Variants in SLC35E4 observed in about 807,000 individuals in gnomAD.
SLC35E4 encodes the protein solute carrier family 35 member E4, also known as solute carrier family 35, member E4.
A neutral mutation model predicts 19.3 loss-of-function variants in SLC35E4; 15 were observed. The observed-to-expected ratio is 0.78, with a 90% confidence interval of 0.52 to 1.20. The LOEUF is 1.20. Among genes scored for constraint, SLC35E4 ranks in the 50% most tolerant of loss-of-function variants. The pLI is 0.00. For synonymous variants in SLC35E4, 219 were observed against 219.9 expected (o/e 1.00, Z 0.04); for missense variants, 406 against 472.3 (o/e 0.86, Z 1.30).
At chr22:30,660,223 T>A (rs372433958) in intron 2 of SLC35E4, among the ~76,000 whole-genome samples, 28 of 152,338 alleles carry the variant, frequency 1.8e-4, no homozygotes, top group African/African-American at 4.6e-4. Context: ...ATATGGATGT[T>A]GTTTTAAGCC....
rs547367556 is a variant in SLC35E4, at chr22:30,636,763, G to A, written c.313G>A (p.Gly105Ser). 164 of 1,612,118 alleles carry A rather than the reference G, an allele frequency of 1.0e-4. No homozygotes were observed. Among genetic ancestry groups the A allele is most frequent in the South Asian group, 2.0e-4 (18 of 90,942 alleles). Residue 105 changes from glycine (G) to serine (S), a missense_variant, in exon 1 of 2, where the codon GGC becomes AGC. Transcript: ENST00000343605. ...HRGARRPMPG[G>S]TRCRVLLLSL... ...GGGGGCACGGCGCCCCATGCCAGGC[G>A]GCACTCGCTGCCGAGTCCTACTGCT...
chr22:30,636,542 C>T lies in SLC35E4; in HGVS notation c.92C>T (p.Pro31Leu), dbSNP rs932956653. ...AAGGAQAAGP[P>L]EWPPGSPQAL... ...GGTGGTGCTCAGGCGGCTGGGCCCC[C>T]CGAGTGGCCCCCTGGCAGCCCTCAG... The change falls in exon 1 of 2, where the codon CCC becomes CTC. Residue 31 changes from proline (P) to leucine (L), a missense_variant. By Grantham distance (98) the Pro-to-Leu change is moderately conservative. Coordinates refer to ENST00000343605, the MANE Select transcript of SLC35E4 (RefSeq NM_001001479.4). The T allele has an allele frequency of 1.9e-6, 3 of 1,558,986 alleles. No homozygotes were observed. Among genetic ancestry groups the T allele is most frequent in the Admixed American group, 3.8e-5 (2 of 52,372 alleles).
chr22:30,649,632 G>A (rs1034420096), downstream of SLC35E4, among the ~76,000 whole-genome samples: 5 of 149,426 alleles, frequency 3.3e-5, no homozygotes, highest in East Asian at 3.9e-4. Context: ...CAGAGATGCC[G>A]CTGGCCCAGC....
At chr22:30,650,574 G>A (rs1281175716), downstream of SLC35E4, among the ~76,000 whole-genome samples, 2 of 152,128 alleles carry the variant, frequency 1.3e-5, no homozygotes, top group Non-Finnish European at 2.9e-5. Flanking sequence ...GTACATCTGA[G>A]CTCTGTGACC....
chr22:30,636,356 G>A lies in SLC35E4; in HGVS notation c.-95G>A. On this transcript the variant is annotated 5_prime_UTR_variant, in exon 1 of 2. Coordinates refer to ENST00000343605, the MANE Select transcript of SLC35E4 (RefSeq NM_001001479.4). ...TCTGAAACGGGACACGGGGTCGGAGGAACCAGGATCTAGCCTGGCCCCAAG... is the reference window on the plus strand; with the variant it reads ...TCTGAAACGGGACACGGGGTCGGAGAAACCAGGATCTAGCCTGGCCCCAAG... 7.0e-7 allele frequency: 1 copy of A among 1,419,330 alleles called. No homozygotes were observed. The allele number at this position is 1,419,330 out of a possible 1,614,324, so 87.9% of individuals were successfully genotyped here.
downstream of SLC35E4, chr22:30,649,106 C>T (rs1335927545): frequency 5.6e-6 from 4 of 708,280 alleles, no homozygotes; most frequent in East Asian, 1.1e-4. Flanking sequence ...GGAGTGAGAA[C>T]ACCTGGAACC....
chr22:30,657,279 AC>A (rs1569065139), intron 2 of SLC35E4, among the ~76,000 whole-genome samples: 5 of 2,238 alleles, frequency 2.2e-3, no homozygotes, highest in Admixed American at 0.017. Flanking sequence ...TACTAAAAAC[AC>A]ACACACACAC....
At chr22:30,643,009 G>A (rs559782085) in intron 1 of SLC35E4, among the ~76,000 whole-genome samples, 4 of 148,480 alleles carry the variant, frequency 2.7e-5, no homozygotes, top group South Asian at 2.1e-4. Flanking sequence ...CAGCCTGGGC[G>A]ACAGAGTGAG....
chr22:30,640,438 AATG>A (rs2088019711), intron 1 of SLC35E4, among the ~76,000 whole-genome samples: 1 of 152,002 alleles, frequency 6.6e-6, no homozygotes, highest in Non-Finnish European at 1.5e-5. Context: ...CGGGGTCCCT[AATG>A]ATGTGAAGCA....
intron 2 of SLC35E4, chr22:30,661,312 TACTC>T (rs1340110228): frequency 2.6e-5 from 4 of 152,132 alleles, no homozygotes; most frequent in Non-Finnish European, 4.4e-5. Context: ...TCAAAGGAAA[TACTC>T]ATTTAAGCAT....
chr22:30,651,588 C>T (rs976112686), downstream of SLC35E4, among the ~76,000 whole-genome samples: 2 of 150,982 alleles, frequency 1.3e-5, no homozygotes, highest in African/African-American at 4.9e-5. Context: ...CCAAAATAAA[C>T]ATTTCTTGAT....
rs2145582586 is a variant in SLC35E4 at position 30,646,620 on chromosome 22, G to C, written c.642G>C (p.Arg214Ser). ...CAGGTGCCCTGCTGCAGGAGGAGAG[G>C]CTGGACGCGGTGACCCTGCTTTACG... ...VQQSALLQEE[R>S]LDAVTLLYAT... The change falls in exon 2 of 2, where the codon AGG becomes AGC. Residue 214 changes from arginine (R) to serine (S), a missense_variant. By Grantham distance (110) the Arg-to-Ser change is moderately radical. Transcript: ENST00000343605. 6.2e-7 allele frequency: 1 copy of C among 1,604,644 alleles called. No individual in the cohort carries two copies. The highest frequency in any genetic ancestry group is 1.1e-5 in the South Asian group (1 of 90,054).
rs192813571 is a variant in SLC35E4 at position 30,647,077 on chromosome 22, T to C, written c.*46T>C. 1.9e-4 allele frequency: 298 copies of C among 1,537,532 alleles called. 1 individual carries two copies. In the African/African-American group the frequency reaches 3.0e-3, roughly 15 times the overall value. ...CCACCTGGGATGGCCCTGGCCTGAA[T>C]CCAGCCTCCGCTGTGGCCATAGAAG... On this transcript the variant is annotated 3_prime_UTR_variant, in exon 2 of 2. Coordinates refer to ENST00000343605, the MANE Select transcript of SLC35E4 (RefSeq NM_001001479.4).
At chr22:30,664,103 T>C, downstream of SLC35E4, 1 of 1,111,492 alleles carries the variant, frequency 9.0e-7, no homozygotes, top group Non-Finnish European at 1.3e-6. Context: ...AGAGGATGTT[T>C]AGAGGGCAGG....
At chr22:30,654,239 CT>C (rs2088288647) in intron 2 of SLC35E4, 1 of 372,866 alleles carries the variant, frequency 2.7e-6, no homozygotes, top group Non-Finnish European at 5.3e-6. Flanking sequence ...CCGCCTCCGC[CT>C]CCCAAAGTGC....
intron 2 of SLC35E4, among the ~76,000 whole-genome samples, chr22:30,657,326 G>A (rs2088361090): frequency 1.3e-5 from 2 of 151,194 alleles, no homozygotes; most frequent in Admixed American, 1.3e-4. Context: ...GGGCGTGGGG[G>A]CGGGCACCTG....
In SLC35E4 at chr22:30,636,708, C is replaced by A; in HGVS notation, c.258C>A (p.His86Gln). Residue 86 changes from histidine to glutamine, a missense_variant, in exon 1 of 2, where the codon CAC becomes CAA. Physicochemically the swap from His to Gln is conservative, Grantham distance 24. Transcript: ENST00000343605. ...GGCCCCTGCTGCTGTCGGCCCTGCA[C>A]ATGCTGGTGGCAGCCCTGGCATGCC... is the stretch of plus-strand genomic sequence containing the variant. Reference protein sequence around the residue: ...FGRPLLLSALHMLVAALACHR... With the variant: ...FGRPLLLSALQMLVAALACHR... The A allele has an allele frequency of 6.2e-7, 1 of 1,611,902 alleles. No individual in the cohort carries two copies.
downstream of SLC35E4, chr22:30,666,958 A>G (rs1363290946): frequency 6.6e-6 from 1 of 152,162 alleles, no homozygotes; most frequent in East Asian, 1.9e-4. Context: ...GGAAGTGTAA[A>G]AAAGATTTCT....
In SLC35E4 at chr22:30,636,429, T is replaced by G; in HGVS notation, c.-22T>G. 2.1e-6 allele frequency: 3 copies of G among 1,454,418 alleles called. No individual in the cohort carries two copies. Among genetic ancestry groups the G allele is most frequent in the Non-Finnish European group, 2.7e-6 (3 of 1,099,312 alleles). The allele number at this position is 1,454,418 out of a possible 1,614,324, so 90.1% of individuals were successfully genotyped here. A position where few individuals can be genotyped will look rare whatever the true frequency, so the allele number is the denominator to read the frequency against. ...GGTCGTCACTGGGGAGCCCGCCTCC[T>G]GCCCTAGCCTCACTGGTGCGGATGT... On this transcript the variant is annotated 5_prime_UTR_variant, in exon 1 of 2. Transcript: ENST00000343605.
Sources: gnomAD v4.1 joint callset for allele counts (sites outside exome capture counted in the v4.1 genomes callset) on GRCh38, gnomAD v4.1.1 for gene constraint, MANE v1.5 for transcripts, NCBI Gene and HGNC (gene_info 2026-07-23, HGNC 2026-07-21) for gene names.